Variants in CCDC185 observed in about 807,000 individuals in gnomAD.
CCDC185 encodes coiled-coil domain-containing protein 185.
For missense variants in CCDC185, 982 were observed against 825.3 expected (o/e 1.19, Z -2.33); for synonymous variants, 381 against 348.1 (o/e 1.09, Z -1.05).
At position 223,394,816 on chromosome 1, in the gene CCDC185, T is replaced by G; in HGVS notation, c.1341T>G (p.Leu447=). ...MDCQAKAEEL[L]RQLSLEQSFQ... The stretch of plus-strand genomic sequence containing the variant: ...GCCAGGCCAAGGCTGAGGAGCTCCT[T>G]AGGCAGCTGTCCCTGGAACAAAGTT... The change falls in exon 1 of 1, where the codon CTT becomes CTG. Residue 447 remains leucine (L), a synonymous_variant. Transcript: ENST00000366875. The G allele has an allele frequency of 1.2e-6, 2 of 1,613,728 alleles. No individual in the cohort carries two copies. The highest frequency in any genetic ancestry group is 2.2e-5 in the East Asian group (1 of 44,850).
Position 223,395,090 on chromosome 1 carries a change from A to C in CCDC185, c.1615A>C (p.Arg539=), listed in dbSNP as rs1304051025. Residue 539 remains arginine (R), a synonymous_variant, in exon 1 of 1, where the codon AGG becomes CGG. Coordinates refer to ENST00000366875, the MANE Select transcript of CCDC185 (RefSeq NM_152610.3). ...VQHLRELNHL[R]EKNHHILKLK... The stretch of plus-strand genomic sequence containing the variant: ...GCACCTCCGGGAGCTCAACCACCTG[A>C]GGGAGAAAAACCACCACATCCTGAA... The C allele has an allele frequency of 6.2e-7, 1 of 1,614,072 alleles. No homozygotes were observed. Among genetic ancestry groups the C allele is most frequent in the African/African-American group, 1.3e-5 (1 of 74,940 alleles).
At position 223,394,000 on chromosome 1, in the gene CCDC185, A is replaced by G; in HGVS notation, c.525A>G (p.Pro175=). The G allele has an allele frequency of 6.2e-7, 1 of 1,614,082 alleles. No homozygotes were observed. Among genetic ancestry groups the G allele is most frequent in the Non-Finnish European group, 8.5e-7 (1 of 1,180,006 alleles). The change falls in exon 1 of 1, where the codon CCA becomes CCG. Residue 175 remains proline (P), a synonymous_variant. Coordinates refer to ENST00000366875, the MANE Select transcript of CCDC185 (RefSeq NM_152610.3). This position sits in a 1 kb window ranked among gnomAD's most constrained non-coding sequence, Gnocchi z 4.8. The stretch of plus-strand genomic sequence containing the variant: ...AGGGTGGAGACCAGTGGGCAGTGCC[A>G]CTCGGCAGACATCTAGGTCGCTGGT... ...KAQGGDQWAV[P]LGRHLGRWSP... is the part of the protein sequence containing the mutation.
At position 223,394,966 on chromosome 1, in the gene CCDC185, A is replaced by G; in HGVS notation, c.1491A>G (p.Glu497=). 6.2e-7 allele frequency: 1 copy of G among 1,614,140 alleles called. No individual in the cohort carries two copies. Among genetic ancestry groups the G allele is most frequent in the Non-Finnish European group, 8.5e-7 (1 of 1,180,014 alleles). The part of the protein sequence containing the change: ...QARWRAGESE[E]QRKMRKRILV... ...GGTGGCGCGCAGGGGAGTCAGAGGA[A>G]CAGAGGAAGATGCGCAAAAGAATTC... The change falls in exon 1 of 1, where the codon GAA becomes GAG. Residue 497 remains glutamate, a synonymous_variant. Transcript: ENST00000366875.
At position 223,393,722 on chromosome 1, in the gene CCDC185, C is replaced by A; in HGVS notation, c.247C>A (p.Arg83=). ...GTGCTCAGATTCACTGCGGGGCAGC[C>A]GAAGCCTGAGCGATGTGGCCCGCAG... The part of the protein sequence containing the change: ...RGCSDSLRGS[R]SLSDVARRPL... The change falls in exon 1 of 1, where the codon CGA becomes AGA. Residue 83 remains arginine, a synonymous_variant. Transcript: ENST00000366875. This position sits in a 1 kb window ranked among gnomAD's most constrained non-coding sequence, Gnocchi z 4.8. 2 of 1,570,074 alleles carry A rather than the reference C, an allele frequency of 1.3e-6. No homozygotes were observed. Among genetic ancestry groups the A allele is most frequent in the Non-Finnish European group, 1.7e-6 (2 of 1,161,222 alleles).
In CCDC185 at chr1:223,393,997, G is replaced by C; in HGVS notation, c.522G>C (p.Val174=). Residue 174 remains valine (V), a synonymous_variant, in exon 1 of 1, where the codon GTG becomes GTC. Coordinates refer to ENST00000366875, the MANE Select transcript of CCDC185 (RefSeq NM_152610.3). This position sits in a 1 kb window ranked among gnomAD's most constrained non-coding sequence, Gnocchi z 4.8. ...EKAQGGDQWA[V]PLGRHLGRWS... ...CACAGGGTGGAGACCAGTGGGCAGTGCCACTCGGCAGACATCTAGGTCGCT... is the reference window on the plus strand; with the variant it reads ...CACAGGGTGGAGACCAGTGGGCAGTCCCACTCGGCAGACATCTAGGTCGCT... The C allele has an allele frequency of 1.2e-6, 2 of 1,614,130 alleles. No individual in the cohort carries two copies. The highest frequency in any genetic ancestry group is 1.7e-6 in the Non-Finnish European group (2 of 1,180,024).
In CCDC185 at chr1:223,395,209, G is replaced by A; in HGVS notation, c.1734G>A (p.Gly578=). The A allele has an allele frequency of 2.5e-6, 4 of 1,612,968 alleles. No individual in the cohort carries two copies. The highest frequency in any genetic ancestry group is 3.4e-6 in the Non-Finnish European group (4 of 1,179,754). The change falls in exon 1 of 1, where the codon GGG becomes GGA. Residue 578 remains glycine, a synonymous_variant. Transcript: ENST00000366875. ...AGAGGGTGCAGCACATTTCCCAAGG[G>A]AAAGACCCAAACTTCCAGGAGTTCC... ...KEQRVQHISQ[G]KDPNFQEFQK...
At position 223,394,786 on chromosome 1, in the gene CCDC185, G is replaced by A; in HGVS notation, c.1311G>A (p.Met437Ile). The change falls in exon 1 of 1, where the codon ATG becomes ATA. Residue 437 changes from methionine (M) to isoleucine (I), a missense_variant. Met to Ile is a conservative substitution (Grantham distance 10). Coordinates refer to ENST00000366875, the MANE Select transcript of CCDC185 (RefSeq NM_152610.3). ...ATTACCAGGCCCGGAAGGTCCTCAT[G>A]GACTGCCAGGCCAAGGCTGAGGAGC... Reference protein sequence around the residue: ...LINYQARKVLMDCQAKAEELL... With the variant: ...LINYQARKVLIDCQAKAEELL... The A allele has an allele frequency of 6.2e-7, 1 of 1,613,438 alleles. No homozygotes were observed.
Position 223,393,598 on chromosome 1 carries a change from C to A in CCDC185, c.123C>A (p.Thr41=). Reference sequence around the variant, plus strand: ...GGCAGAGGTCCGGAGCCGACTCCACCGCGTGCTCCCGGGCCGGGACTCCGG... The same window carrying A: ...GGCAGAGGTCCGGAGCCGACTCCACAGCGTGCTCCCGGGCCGGGACTCCGG... The part of the protein sequence containing the change: ...LGGQRSGADS[T]ACSRAGTPGA... The change falls in exon 1 of 1, where the codon ACC becomes ACA. Residue 41 remains threonine (T), a synonymous_variant. Transcript: ENST00000366875. The surrounding 1 kb of genome is among the most constrained non-coding windows in gnomAD (Gnocchi z 4.8). 6.5e-7 allele frequency: 1 copy of A among 1,527,320 alleles called. No individual in the cohort carries two copies. The highest frequency in any genetic ancestry group is 1.3e-5 in the South Asian group (1 of 78,934). The allele number at this position is 1,527,320 out of a possible 1,614,324, so 94.6% of individuals were successfully genotyped here.
chr1:223,393,503 C>T lies in CCDC185; in HGVS notation c.28C>T (p.Pro10Ser). The T allele has an allele frequency of 6.6e-7, 1 of 1,516,282 alleles. No individual in the cohort carries two copies. The highest frequency in any genetic ancestry group is 8.8e-7 in the Non-Finnish European group (1 of 1,134,302). The allele number at this position is 1,516,282 out of a possible 1,614,324, so 93.9% of individuals were successfully genotyped here. A position where few individuals can be genotyped will look rare whatever the true frequency, so the allele number is the denominator to read the frequency against. Residue 10 changes from proline to serine, a missense_variant, in exon 1 of 1, where the codon CCG becomes TCG. By Grantham distance (74) the Pro-to-Ser change is moderately conservative (BLOSUM62 -1). Transcript: ENST00000366875. The surrounding 1 kb of genome is among the most constrained non-coding windows in gnomAD (Gnocchi z 4.8). ...GGCAGGCTTCAGCCACTTCTCCCAG[C>T]CGCCCTACCGGGATCTCTGGGAACC... The part of the protein sequence containing the change: MAGFSHFSQ[P>S]PYRDLWEPPR...
chr1:223,395,452 T>A lies in CCDC185; in HGVS notation c.*105T>A. ...TGAACATTGATTTTAAAAAAGCATG[T>A]AAAATAGCTGCAATTTCCTCTCATG... On this transcript the variant is annotated 3_prime_UTR_variant, in exon 1 of 1. Transcript: ENST00000366875. 1 of 1,222,056 alleles carries A rather than the reference T, an allele frequency of 8.2e-7. No individual in the cohort carries two copies. The highest frequency in any genetic ancestry group is 1.1e-6 in the Non-Finnish European group (1 of 929,928). 75.7% of individuals were successfully genotyped at this position (1,222,056 alleles called of 1,614,324 possible). A position where few individuals can be genotyped will look rare whatever the true frequency, so the allele number is the denominator to read the frequency against.
chr1:223,394,614 G>C lies in CCDC185; in HGVS notation c.1139G>C (p.Arg380Pro), dbSNP rs17852896. ...AAACAGTGCCAGGTGCGGCGCCTGC[G>C]GGAGCAGGAGAAGATGCTACGGAAC... ...HRKQCQVRRLREQEKMLRNLR... is the reference protein window; with the variant it reads ...HRKQCQVRRLPEQEKMLRNLR... The change falls in exon 1 of 1, where the codon CGG becomes CCG. Residue 380 changes from arginine to proline, a missense_variant. Coordinates refer to ENST00000366875, the MANE Select transcript of CCDC185 (RefSeq NM_152610.3). The C allele has an allele frequency of 1.2e-6, 2 of 1,612,668 alleles. No individual in the cohort carries two copies. The highest frequency in any genetic ancestry group is 2.7e-5 in the African/African-American group (2 of 74,906).
Position 223,395,462 on chromosome 1 carries a change from G to A in CCDC185, c.*115G>A. The A allele has an allele frequency of 3.4e-6, 4 of 1,170,592 alleles. No homozygotes were observed. The highest frequency in any genetic ancestry group is 4.5e-6 in the Non-Finnish European group (4 of 884,388). The allele number at this position is 1,170,592 out of a possible 1,614,324, so 72.5% of individuals were successfully genotyped here. A position where few individuals can be genotyped will look rare whatever the true frequency, so the allele number is the denominator to read the frequency against. On this transcript the variant is annotated 3_prime_UTR_variant, in exon 1 of 1. Coordinates refer to ENST00000366875, the MANE Select transcript of CCDC185 (RefSeq NM_152610.3). Reference sequence around the variant, plus strand: ...TTTTAAAAAAGCATGTAAAATAGCTGCAATTTCCTCTCATGAACTGGTTTA... The same window carrying A: ...TTTTAAAAAAGCATGTAAAATAGCTACAATTTCCTCTCATGAACTGGTTTA...
In CCDC185 at chr1:223,394,646, G is replaced by A. The variant is rs777162257; in HGVS notation, c.1171G>A (p.Glu391Lys). Reference protein sequence around the residue: ...EQEKMLRNLREQHSLQLQRRL... With the variant: ...EQEKMLRNLRKQHSLQLQRRL... Reference sequence around the variant, plus strand: ...GGAGAAGATGCTACGGAACCTCCGGGAGCAGCACAGCCTGCAGCTGCAGAG... The same window carrying A: ...GGAGAAGATGCTACGGAACCTCCGGAAGCAGCACAGCCTGCAGCTGCAGAG... The change falls in exon 1 of 1, where the codon GAG becomes AAG. Residue 391 changes from glutamate to lysine, a missense_variant. Transcript: ENST00000366875. 3.7e-6 allele frequency: 6 copies of A among 1,613,310 alleles called. No individual in the cohort carries two copies. In the Admixed American group the frequency reaches 5.0e-5, roughly 13 times the overall value.
In CCDC185 at chr1:223,394,409, C is replaced by G; in HGVS notation, c.934C>G (p.Gln312Glu). ...RRLLLRQSQE[Q>E]WQEKEQRKTL... ...GCTGCTGCTGCGGCAGAGCCAGGAGCAGTGGCAGGAGAAGGAGCAGCGCAA... is the reference window on the plus strand; with the variant it reads ...GCTGCTGCTGCGGCAGAGCCAGGAGGAGTGGCAGGAGAAGGAGCAGCGCAA... The change falls in exon 1 of 1, where the codon CAG becomes GAG. Residue 312 changes from glutamine to glutamate, a missense_variant. Transcript: ENST00000366875. 6.4e-7 allele frequency: 1 copy of G among 1,568,416 alleles called. No individual in the cohort carries two copies. The highest frequency in any genetic ancestry group is 8.6e-7 in the Non-Finnish European group (1 of 1,157,356).
chr1:223,394,049 C>T lies in CCDC185; in HGVS notation c.574C>T (p.Arg192Trp), dbSNP rs748509441. 3.1e-6 allele frequency: 5 copies of T among 1,614,160 alleles called. No individual in the cohort carries two copies. Among genetic ancestry groups the T allele is most frequent in the Non-Finnish European group, 4.2e-6 (5 of 1,180,038 alleles). The change falls in exon 1 of 1, where the codon CGG (arginine) becomes TGG (tryptophan). Residue 192 changes from arginine to tryptophan, a missense_variant. By Grantham distance (101) the Arg-to-Trp change is moderately radical (BLOSUM62 -3). Transcript: ENST00000366875. ...RWSPSSVPSE[R>W]SSVPSQKFKR... Reference sequence around the variant, plus strand: ...GTCCCCTTCCTCAGTTCCCTCGGAGCGGTCTTCTGTGCCCTCGCAAAAGTT... The same window carrying T: ...GTCCCCTTCCTCAGTTCCCTCGGAGTGGTCTTCTGTGCCCTCGCAAAAGTT...
At chr1:223,394,430 CG>C in the CCDC185 span, 3 of 1,567,306 alleles carry the variant, frequency 1.9e-6, no homozygotes, top group Admixed American at 5.7e-5. Flanking sequence ...GAAGGAGCAG[CG>C]CAAGACCCTC....
chr1:223,395,227 G>A lies in CCDC185; in HGVS notation c.1752G>A (p.Gln584=), dbSNP rs1017316248. The change falls in exon 1 of 1, where the codon CAG becomes CAA. Residue 584 remains glutamine (Q), a synonymous_variant. Transcript: ENST00000366875. ...CCCAAGGGAAAGACCCAAACTTCCA[G>A]GAGTTCCAGAAGCTCCCTCAGGCCT... The part of the protein sequence containing the change: ...HISQGKDPNF[Q]EFQKLPQASR... 5.0e-6 allele frequency: 8 copies of A among 1,611,302 alleles called. No individual in the cohort carries two copies. The African/African-American group carries it at 1.1e-4, about 22-fold the overall frequency.
Position 223,394,557 on chromosome 1 carries a change from T to G in CCDC185, c.1082T>G (p.Leu361Arg). 1 of 1,604,472 alleles carries G rather than the reference T, an allele frequency of 6.2e-7. No homozygotes were observed. The highest frequency in any genetic ancestry group is 1.1e-5 in the South Asian group (1 of 89,918). The change falls in exon 1 of 1, where the codon CTG becomes CGG. Residue 361 changes from leucine to arginine, a missense_variant. Physicochemically the swap from Leu to Arg is moderately radical, Grantham distance 102. Transcript: ENST00000366875. ...CAGGAGAGCCCGCGCCAGGAGAAGC[T>G]GGAGAAGGCGCGCGCCCAGGCAGAG... ...EDQESPRQEK[L>R]EKARAQAEHR... is the part of the protein sequence containing the mutation.
chr1:223,394,547 C>G lies in CCDC185; in HGVS notation c.1072C>G (p.Gln358Glu), dbSNP rs1266201836. 1.9e-6 allele frequency: 3 copies of G among 1,602,444 alleles called. No individual in the cohort carries two copies. Among genetic ancestry groups the G allele is most frequent in the African/African-American group, 1.3e-5 (1 of 74,670 alleles). The change falls in exon 1 of 1, where the codon CAG (glutamine) becomes GAG (glutamate). Residue 358 changes from glutamine (Q) to glutamate (E), a missense_variant. Coordinates refer to ENST00000366875, the MANE Select transcript of CCDC185 (RefSeq NM_152610.3). Reference protein sequence around the residue: ...EQPEDQESPRQEKLEKARAQA... With the variant: ...EQPEDQESPREEKLEKARAQA... ...ACCAGAGGACCAGGAGAGCCCGCGC[C>G]AGGAGAAGCTGGAGAAGGCGCGCGC... is the stretch of plus-strand genomic sequence containing the variant.
Sources: gnomAD v4.1 joint callset for allele counts on GRCh38, gnomAD v4.1.1 for gene constraint, Gnocchi (gnomAD v3.1) non-coding constraint, MANE v1.5 for transcripts, NCBI Gene and HGNC (gene_info 2026-07-23, HGNC 2026-07-21) for gene names.